Variants in ALDH1A3 observed in about 807,000 individuals in gnomAD.
The protein encoded by ALDH1A3 is retinaldehyde dehydrogenase 3.
ALDH1A3 carries 28 observed loss-of-function variants against 57.5 expected under a neutral mutation model. The ratio of observed to expected loss-of-function variants is 0.49; its 90% confidence interval spans 0.36 to 0.67. The LOEUF (loss-of-function observed/expected upper bound fraction) is 0.67, where lower values mean the gene tolerates loss of function less well. ALDH1A3 is among the 30% of genes least tolerant of loss of function. The probability of loss-of-function intolerance (pLI) is 0.00; values close to 1 mark genes in which losing one functional copy is unlikely to be tolerated. For synonymous variants in ALDH1A3, 281 were observed against 264.8 expected, an observed-to-expected ratio of 1.06 and a Z score of -0.59; for missense variants, 507 against 669.4, an observed-to-expected ratio of 0.76 and a Z score of 2.68.
At chr15:100,895,837 G>C (rs2041696845) in intron 6 of ALDH1A3, 96 bp from the exon 7 acceptor site, 1 of 1,078,968 alleles carries the variant, frequency 9.3e-7, no homozygotes, top group Non-Finnish European at 1.4e-6. Flanking sequence ...GGTTCCCTGT[G>C]GGGATGTGAG....
At chr15:100,892,668 G>T (rs370562793) in intron 4 of ALDH1A3, 29 bp downstream of exon 4, 34 of 1,591,474 alleles carry the variant, frequency 2.1e-5, no homozygotes, top group Non-Finnish European at 2.8e-5. Context: ...AGCTTCATTT[G>T]GGATCCCTTT....
Position 100,893,865 on chromosome 15 carries a change from C to A in ALDH1A3, c.538-89C>A. The A allele has an allele frequency of 6.6e-7, 1 of 1,522,214 alleles. No homozygotes were observed. Among genetic ancestry groups the A allele is most frequent in the Non-Finnish European group, 8.8e-7 (1 of 1,134,304 alleles). The allele number at this position is 1,522,214 out of a possible 1,614,324, so 94.3% of individuals were successfully genotyped here. On this transcript the variant is annotated intron_variant, in intron 5 of 12. Transcript: ENST00000329841. The surrounding 1 kb of genome is among the most constrained non-coding windows in gnomAD (Gnocchi z 4.8). ...TACCCCAAATCCAGACCATGAAAAG[C>A]AAGTGTCCTCCACAAAGGCATCGTT...
intron 3 of ALDH1A3, among the ~76,000 whole-genome samples, chr15:100,891,064 C>T (rs989808788): frequency 6.6e-6 from 1 of 152,112 alleles, no homozygotes; most frequent in Non-Finnish European, 1.5e-5. Flanking sequence ...GTGAGGATCG[C>T]CAAGCCCTTC....
chr15:100,908,383 TG>T (rs2041847402), intron 11 of ALDH1A3, 24 bp from the exon 12 acceptor site: 2 of 1,603,448 alleles, frequency 1.2e-6, no homozygotes, highest in African/African-American at 2.7e-5. Flanking sequence ...CAGATGACTC[TG>T]AGCTTTCTTC....
intron 9 of ALDH1A3, among the ~76,000 whole-genome samples, chr15:100,903,225 C>T (rs4246326): frequency 0.098 from 14,497 of 148,276 alleles, 1,396 homozygotes; most frequent in African/African-American, 0.25. Flanking sequence ...CTCATGTTTC[C>T]CTCTAGAATG....
chr15:100,908,949 C>G (rs2041853500), intron 12 of ALDH1A3, among the ~76,000 whole-genome samples: 1 of 152,174 alleles, frequency 6.6e-6, no homozygotes, highest in Non-Finnish European at 1.5e-5. Flanking sequence ...AGGCATATGA[C>G]AACACCTCCT....
In ALDH1A3 at chr15:100,908,459, A is replaced by G. The variant is rs766710815; in HGVS notation, c.1443A>G (p.Lys481=). Residue 481 remains lysine (K), a synonymous_variant, in exon 12 of 13, where the codon AAA becomes AAG. Transcript: ENST00000329841. ...CACAGGCTCCATTTGGTGGCTTTAA[A>G]ATGTCAGGAAATGGCAGAGAACTGT... is the stretch of plus-strand genomic sequence containing the variant. ...LYAQAPFGGF[K]MSGNGRELGE... 1 of 1,613,460 alleles carries G rather than the reference A, an allele frequency of 6.2e-7. No individual in the cohort carries two copies.
chr15:100,888,013 C>T (rs1430637904), intron 3 of ALDH1A3, among the ~76,000 whole-genome samples: 1 of 152,182 alleles, frequency 6.6e-6, no homozygotes, highest in Non-Finnish European at 1.5e-5. Context: ...GATTGGTGAC[C>T]ATGAGCTGGG....
At chr15:100,914,124 T>C (rs4246329) in intron 12 of ALDH1A3, 87,610 of 152,452 alleles carry the variant, frequency 0.57, 25,371 homozygotes, top group East Asian at 0.72. Flanking sequence ...CGTCTGCTTC[T>C]CTCATGCCCC....
Position 100,893,524 on chromosome 15 carries a change from G to A in ALDH1A3, c.538-430G>A. 1 of 171,480 alleles carries A rather than the reference G, an allele frequency of 5.8e-6. No individual in the cohort carries two copies. The highest frequency in any genetic ancestry group is 1.2e-5 in the Non-Finnish European group (1 of 80,104). The allele number at this position is 171,480 out of a possible 1,614,324, so 10.6% of individuals were successfully genotyped here. On this transcript the variant is annotated intron_variant, in intron 5 of 12. Transcript: ENST00000329841. The surrounding 1 kb of genome is among the most constrained non-coding windows in gnomAD (Gnocchi z 4.8). ...TAAGGGGCCGGGACTTTATTCATTG[G>A]GCGGTGGGGATGCTTATAGGTGCCC...
intron 1 of ALDH1A3, among the ~76,000 whole-genome samples, chr15:100,883,099 G>T (rs868282698): frequency 6.6e-6 from 1 of 152,082 alleles, no homozygotes; most frequent in Non-Finnish European, 1.5e-5. Flanking sequence ...GCAGACATCC[G>T]ATCATTGTAA....
intron 10 of ALDH1A3, 116 bp downstream of exon 10, chr15:100,905,803 G>C (rs2041816579): frequency 8.8e-7 from 1 of 1,142,378 alleles, no homozygotes; most frequent in African/African-American, 1.6e-5. Flanking sequence ...TGTTTTTGTT[G>C]CTGTTGTTGT....
chr15:100,913,536 C>G (rs919413052), intron 12 of ALDH1A3: 2 of 152,230 alleles, frequency 1.3e-5, no homozygotes, highest in African/African-American at 2.4e-5. Context: ...TTTGGGGACC[C>G]TTGTGATTAC....
intron 3 of ALDH1A3, 120 bp from the exon 4 acceptor site, chr15:100,892,390 T>G: frequency 9.8e-6 from 13 of 1,324,848 alleles, no homozygotes; most frequent in Non-Finnish European, 1.3e-5. Flanking sequence ...CATCTGACTG[T>G]GAGGTCTACA....
intron 1 of ALDH1A3, among the ~76,000 whole-genome samples, chr15:100,882,195 G>A (rs1257696153): frequency 6.6e-6 from 1 of 152,200 alleles, no homozygotes; most frequent in Non-Finnish European, 1.5e-5. Context: ...CCCTAGCCCC[G>A]GCAGTGCCAT....
At chr15:100,902,222 G>A (rs2041777264) in intron 9 of ALDH1A3, among the ~76,000 whole-genome samples, 1 of 152,114 alleles carries the variant, frequency 6.6e-6, no homozygotes. Context: ...TGACTTTTGA[G>A]GCCAGATACA....
chr15:100,892,232 G>A (rs1182015973), intron 3 of ALDH1A3: 17 of 392,690 alleles, frequency 4.3e-5, no homozygotes, highest in Non-Finnish European at 6.8e-5. Flanking sequence ...AATCCGCCTG[G>A]CCTCCAAGGG....
At position 100,905,691 on chromosome 15, in the gene ALDH1A3, C is replaced by T. The variant is rs1272592792; in HGVS notation, c.1233+4C>T. ...CATGCGGATTGCCAAAGAGGAGGTA[C>T]AAGGGGGCTGTGGCAAGGCTACGAC... is the stretch of plus-strand genomic sequence containing the variant. On this transcript the variant is annotated splice_donor_region_variant and intron_variant, in intron 10 of 12. Transcript: ENST00000329841. 2.6e-6 allele frequency: 4 copies of T among 1,558,054 alleles called. No homozygotes were observed. The East Asian group carries it at 9.2e-5, about 36-fold the overall frequency.
At chr15:100,899,783 C>T (rs2041747549) in intron 8 of ALDH1A3, among the ~76,000 whole-genome samples, 1 of 152,178 alleles carries the variant, frequency 6.6e-6, no homozygotes, top group Admixed American at 6.5e-5. Context: ...GAGCAGCCTC[C>T]TTCTCAAAGC....
Sources: allele counts gnomAD v4.1 joint callset (sites outside exome capture counted in the v4.1 genomes callset), GRCh38; gene constraint gnomAD v4.1.1; non-coding constraint Gnocchi (gnomAD v3.1); transcripts MANE v1.5; gene names NCBI Gene and HGNC (gene_info 2026-07-23, HGNC 2026-07-21).